EVA1A: variants seen among roughly 807,000 people sequenced by gnomAD.
The protein encoded by EVA1A is eva-1 homolog A, regulator of programmed cell death.
A neutral mutation model predicts 9.8 loss-of-function variants in EVA1A; 7 were observed. The observed-to-expected ratio is 0.71, with a 90% CI of 0.41 to 1.34. The LOEUF (loss-of-function observed/expected upper bound fraction) is 1.34, where lower values mean the gene tolerates loss of function less well. Among genes scored for constraint, EVA1A ranks in the 40% most tolerant of loss-of-function variants. The probability of loss-of-function intolerance (pLI) is 0.01; values close to 1 mark genes in which losing one functional copy is unlikely to be tolerated. For missense variants in EVA1A, 206 were observed against 205.9 expected (o/e 1.00, Z 0.00); for synonymous variants, 90 against 85.6 (o/e 1.05, Z -0.28).
chr2:75,497,076 T>A (rs1674238066), intron 3 of EVA1A, among the ~76,000 whole-genome samples: 1 of 152,142 alleles, frequency 6.6e-6, no homozygotes, highest in South Asian at 2.1e-4. Context: ...CCTAAAACTA[T>A]AAAATCCCTA....
chr2:75,524,431 A>C (rs543185464), intron 1 of EVA1A, among the ~76,000 whole-genome samples: 1 of 151,634 alleles, frequency 6.6e-6, no homozygotes, highest in Non-Finnish European at 1.5e-5. Flanking sequence ...TGCTCTCACC[A>C]GGACCCTTCT....
intron 3 of EVA1A, chr2:75,517,851 G>A (rs763566968): frequency 2.7e-5 from 20 of 739,664 alleles, no homozygotes; most frequent in African/African-American, 5.2e-5. Flanking sequence ...AAAGCTCTTA[G>A]AACCCTTCAT....
chr2:75,521,186 C>T (rs1675218376), intron 2 of EVA1A, among the ~76,000 whole-genome samples: 1 of 152,186 alleles, frequency 6.6e-6, no homozygotes, highest in South Asian at 2.1e-4. Context: ...AGGATGACTA[C>T]TATCAAAAAT....
chr2:75,566,517 C>T (rs563928900), intron 1 of EVA1A, among the ~76,000 whole-genome samples: 1 of 152,200 alleles, frequency 6.6e-6, no homozygotes, highest in Non-Finnish European at 1.5e-5. Context: ...CATCACTTCT[C>T]TCACCTTTTT....
chr2:75,509,460 A>T (rs953562007), intron 3 of EVA1A, among the ~76,000 whole-genome samples: 6 of 152,164 alleles, frequency 3.9e-5, no homozygotes, highest in Non-Finnish European at 7.4e-5. Flanking sequence ...TTGAGGGAGC[A>T]CTTCTATGAA....
intron 3 of EVA1A, among the ~76,000 whole-genome samples, chr2:75,498,525 A>C (rs1314435531): frequency 2.6e-5 from 4 of 152,190 alleles, no homozygotes; most frequent in African/African-American, 7.2e-5. Context: ...AAAACTAATA[A>C]GGGAGGGATA....
At chr2:75,501,282 C>T (rs1674408216) in intron 3 of EVA1A, among the ~76,000 whole-genome samples, 3 of 152,174 alleles carry the variant, frequency 2.0e-5, no homozygotes, top group South Asian at 2.1e-4. Flanking sequence ...GTCTTTCTTA[C>T]ATTGATGTAG....
intron 1 of EVA1A, among the ~76,000 whole-genome samples, chr2:75,548,343 C>G (rs142500922): frequency 6.6e-4 from 101 of 152,224 alleles, no homozygotes; most frequent in African/African-American, 2.3e-3. Context: ...CCATGTTGGC[C>G]TGGCTGGTGC....
At chr2:75,513,750 TG>T (rs1173630918) in intron 3 of EVA1A, among the ~76,000 whole-genome samples, 1 of 152,216 alleles carries the variant, frequency 6.6e-6, no homozygotes, top group Non-Finnish European at 1.5e-5. Context: ...TGGATAAAGC[TG>T]GAATATATTA....
intron 1 of EVA1A, among the ~76,000 whole-genome samples, chr2:75,559,440 G>A (rs1676836014): frequency 6.6e-6 from 1 of 152,304 alleles, no homozygotes; most frequent in Non-Finnish European, 1.5e-5. Context: ...TCACTCCAGG[G>A]CCCGGGCTCT....
At chr2:75,555,309 CT>C (rs1167797339) in intron 1 of EVA1A, among the ~76,000 whole-genome samples, 19 of 141,902 alleles carry the variant, frequency 1.3e-4, no homozygotes, top group Admixed American at 2.2e-4. Context: ...CAATCTCTCT[CT>C]CTCTCTCTCT....
intron 1 of EVA1A, among the ~76,000 whole-genome samples, chr2:75,526,708 G>A (rs965628159): frequency 6.6e-6 from 1 of 152,232 alleles, no homozygotes; most frequent in African/African-American, 2.4e-5. Flanking sequence ...CAGGAGCAAA[G>A]GGATAGGCAG....
chr2:75,536,516 G>T (rs913553780), intron 1 of EVA1A, among the ~76,000 whole-genome samples: 35 of 151,892 alleles, frequency 2.3e-4, no homozygotes, highest in African/African-American at 7.7e-4. Context: ...AAAATTACCA[G>T]AGGGTCTTTG....
At chr2:75,536,364 C>G (rs187114670) in intron 1 of EVA1A, among the ~76,000 whole-genome samples, 3 of 151,642 alleles carry the variant, frequency 2.0e-5, no homozygotes, top group African/African-American at 4.8e-5. Context: ...ACACCTCCCC[C>G]CCAAATAAAA....
chr2:75,505,768 C>T (rs547791529), intron 3 of EVA1A, among the ~76,000 whole-genome samples: 35 of 151,686 alleles, frequency 2.3e-4, no homozygotes, highest in Non-Finnish European at 2.5e-4. Flanking sequence ...GAGCCGAGAT[C>T]GTGCCAATGC....
chr2:75,499,329 C>A (rs557169759), intron 3 of EVA1A, among the ~76,000 whole-genome samples: 294 of 152,072 alleles, frequency 1.9e-3, no homozygotes, highest in Non-Finnish European at 2.9e-3. Flanking sequence ...TGAGCACAAC[C>A]GAGTGAAATA....
rs569896369 is a variant in EVA1A, at chr2:75,493,571, C to T, written c.124G>A (p.Val42Met). The change falls in exon 4 of 4, where the codon GTG (valine) becomes ATG (methionine). Residue 42 changes from valine (V) to methionine (M), a missense_variant. Coordinates refer to ENST00000393913, the MANE Select transcript of EVA1A (RefSeq NM_001135032.2). Reference protein sequence around the residue: ...ERAALYFVSGVCIGLVLTLAA... With the variant: ...ERAALYFVSGMCIGLVLTLAA... The stretch of plus-strand genomic sequence containing the variant: ...AGGGTCAGCACCAGCCCGATGCACA[C>T]GCCAGAAACAAAGTACAGAGCTGCT... 34 of 1,612,586 alleles carry T rather than the reference C, an allele frequency of 2.1e-5. No homozygotes were observed. The highest frequency in any genetic ancestry group is 5.5e-5 in the South Asian group (5 of 90,842).
chr2:75,499,532 G>A (rs1572944505), intron 3 of EVA1A, among the ~76,000 whole-genome samples: 3 of 152,288 alleles, frequency 2.0e-5, no homozygotes, highest in Admixed American at 6.5e-5. Flanking sequence ...CCCATTTGCT[G>A]GAGAAATGGG....
chr2:75,492,965 G>A lies in EVA1A; in HGVS notation c.*271C>T, dbSNP rs941499348. The A allele has an allele frequency of 2.6e-5, 11 of 428,104 alleles. No individual in the cohort carries two copies. The highest frequency in any genetic ancestry group is 1.8e-4 in the African/African-American group (9 of 49,302). 26.5% of individuals were successfully genotyped at this position (428,104 alleles called of 1,614,324 possible). A position where few individuals can be genotyped will look rare whatever the true frequency, so the allele number is the denominator to read the frequency against. On this transcript the variant is annotated 3_prime_UTR_variant, in exon 4 of 4. Transcript: ENST00000393913. ...TCAGAAATCAAGAGAAACCACAGTC[G>A]CGTTTCTCCGATCTCCATCCACAGT... is the stretch of plus-strand genomic sequence containing the variant.
Sources: gnomAD v4.1 joint callset for allele counts (sites outside exome capture counted in the v4.1 genomes callset) on GRCh38, gnomAD v4.1.1 for gene constraint, MANE v1.5 for transcripts, NCBI Gene and HGNC (gene_info 2026-07-23, HGNC 2026-07-21) for gene names.